Variants in METTL15 observed in about 807,000 individuals in gnomAD.
METTL15 encodes the protein methyltransferase 15, mitochondrial 12S rRNA N4-cytidine.
Under a neutral mutation model 38.3 loss-of-function variants are expected in METTL15, and 34 were observed. The ratio of observed to expected loss-of-function variants is 0.89; its 90% CI spans 0.68 to 1.18. The LOEUF (loss-of-function observed/expected upper bound fraction) is 1.18. Among genes scored for constraint, METTL15 ranks in the 50% most tolerant of loss-of-function variants. METTL15 has a pLI of 0.00. For synonymous variants in METTL15, 162 were observed against 170.9 expected, an observed-to-expected ratio of 0.95 and a Z score of 0.41; for missense variants, 438 against 498.4, an observed-to-expected ratio of 0.88 and a Z score of 1.15.
chr11:28,180,478 G>A (rs905148041), intron 3 of METTL15, among the ~76,000 whole-genome samples: 1 of 151,660 alleles, frequency 6.6e-6, no homozygotes, highest in Non-Finnish European at 1.5e-5. Flanking sequence ...CTTTTGACTT[G>A]TTTGGTCTAG....
rs1006926814 is a variant in METTL15, at chr11:28,125,810, A to T, written c.270+12206A>T. The T allele has an allele frequency of 2.0e-5, 3 of 152,248 alleles. No homozygotes were observed. The South Asian group carries it at 6.2e-4, about 32-fold the overall frequency. The allele number at this position is 152,248 out of a possible 1,614,324, so 9.4% of individuals were successfully genotyped here. A position where few individuals can be genotyped will look rare whatever the true frequency, so the allele number is the denominator to read the frequency against. ...TCTTCTAAAATCTTATTTTTCTGAA[A>T]TGTAAACTTACCTTATAGTATATGC... is the stretch of plus-strand genomic sequence containing the variant. On this transcript the variant is annotated intron_variant, in intron 3 of 6. Transcript: ENST00000407364.
intron 3 of METTL15, among the ~76,000 whole-genome samples, chr11:28,177,312 A>C (rs895204060): frequency 1.1e-4 from 17 of 152,048 alleles, no homozygotes; most frequent in Non-Finnish European, 2.1e-4. Context: ...GAAAAGATTT[A>C]GTAGAGTTAG....
intron 5 of METTL15, among the ~76,000 whole-genome samples, chr11:28,394,862 A>G (rs1201068247): frequency 6.6e-6 from 1 of 152,040 alleles, no homozygotes; most frequent in Non-Finnish European, 1.5e-5. Context: ...TTATTTATAC[A>G]CCATGATGTC....
intron 5 of METTL15, among the ~76,000 whole-genome samples, chr11:28,403,136 A>C (rs1200053513): frequency 6.6e-6 from 1 of 151,920 alleles, no homozygotes; most frequent in East Asian, 1.9e-4. Flanking sequence ...CAGCAGATGT[A>C]TGGGGGGTTT....
chr11:28,134,669 A>G (rs774657367), intron 3 of METTL15: 58 of 398,246 alleles, frequency 1.5e-4, no homozygotes, highest in African/African-American at 2.5e-4. Flanking sequence ...TCCTGGGAAG[A>G]ATGGCATGTC....
At chr11:28,468,164 G>A (rs1849087027) in intron 6 of METTL15, among the ~76,000 whole-genome samples, 1 of 152,126 alleles carries the variant, frequency 6.6e-6, no homozygotes, top group South Asian at 2.1e-4. Flanking sequence ...ACTCTAATTG[G>A]CTCTAGGAAG....
At chr11:28,348,002 C>T (rs929238655) in intron 3 of METTL15, among the ~76,000 whole-genome samples, 2 of 152,186 alleles carry the variant, frequency 1.3e-5, no homozygotes, top group African/African-American at 4.8e-5. Flanking sequence ...AAGTTTTGGT[C>T]TGACTGTCAC....
At chr11:28,194,122 A>ATTCTT (rs370908175) in intron 3 of METTL15, among the ~76,000 whole-genome samples, 1 of 99,078 alleles carries the variant, frequency 1.0e-5, no homozygotes, top group Admixed American at 1.1e-4. Flanking sequence ...TTGATGGTTG[A>ATTCTT]TCTTTCTTTC....
At chr11:28,213,846 G>A (rs564775729) in intron 4 of METTL15, among the ~76,000 whole-genome samples, 11 of 151,322 alleles carry the variant, frequency 7.3e-5, no homozygotes, top group Admixed American at 2.0e-4. Context: ...TAGTAGAGAC[G>A]GGGTTTCACC....
chr11:28,157,602 T>C lies in METTL15; in HGVS notation c.270+43998T>C, dbSNP rs1405782846. On this transcript the variant is annotated intron_variant, in intron 3 of 6. Transcript: ENST00000407364. ...GACTATATGTCATCACCATGTGACC[T>C]GAACTGCCTGTCATGAACTGGGTAC... Among the ~76,000 whole-genome samples, 3 of 152,188 alleles carry C rather than the reference T, an allele frequency of 2.0e-5. No individual in the cohort carries two copies. The East Asian group carries it at 5.8e-4, about 29-fold the overall frequency.
At chr11:28,292,569 T>C (rs989327908) in intron 5 of METTL15, among the ~76,000 whole-genome samples, 4 of 152,162 alleles carry the variant, frequency 2.6e-5, no homozygotes, top group Admixed American at 1.3e-4. Flanking sequence ...TTTGGGTATA[T>C]ACCCAGTAAT....
chr11:28,266,508 C>T (rs1855424782), intron 4 of METTL15, among the ~76,000 whole-genome samples: 1 of 152,190 alleles, frequency 6.6e-6, no homozygotes, highest in African/African-American at 2.4e-5. Flanking sequence ...CTGATTTTCA[C>T]CTGAAACCTG....
chr11:28,194,694 T>TA (rs1319618564), intron 3 of METTL15, among the ~76,000 whole-genome samples: 1 of 151,968 alleles, frequency 6.6e-6, no homozygotes, highest in African/African-American at 2.4e-5. Flanking sequence ...AAAGAAAGAT[T>TA]AAAAAAAATT....
intron 6 of METTL15, among the ~76,000 whole-genome samples, chr11:28,460,391 C>T: frequency 6.6e-6 from 1 of 152,060 alleles, no homozygotes; most frequent in East Asian, 1.9e-4. Context: ...GTGTTCTCTC[C>T]AAGCCAGGAG....
At chr11:28,235,212 T>G (rs1272559896) in intron 4 of METTL15, among the ~76,000 whole-genome samples, 4 of 152,028 alleles carry the variant, frequency 2.6e-5, no homozygotes, top group Non-Finnish European at 4.4e-5. Context: ...ACTGTAGCCT[T>G]GTAGTATAGT....
intron 6 of METTL15, among the ~76,000 whole-genome samples, chr11:28,498,766 A>C (rs1296667228): frequency 6.6e-6 from 1 of 152,204 alleles, no homozygotes; most frequent in Admixed American, 6.5e-5. Context: ...ATTCTTCATG[A>C]TACGGTAAGG....
intron 3 of METTL15, among the ~76,000 whole-genome samples, chr11:28,120,780 G>C (rs1377331697): frequency 2.6e-5 from 4 of 152,102 alleles, no homozygotes; most frequent in African/African-American, 9.7e-5. Flanking sequence ...TTCAGTATCT[G>C]GGTTTGTCAA....
intron 3 of METTL15, among the ~76,000 whole-genome samples, chr11:28,160,977 C>G (rs533939559): frequency 6.6e-6 from 1 of 151,782 alleles, no homozygotes; most frequent in Non-Finnish European, 1.5e-5. Flanking sequence ...CAGAAATACA[C>G]ACTAAAATAT....
intron 6 of METTL15, among the ~76,000 whole-genome samples, chr11:28,501,973 C>T (rs1590396107): frequency 1.3e-5 from 2 of 151,984 alleles, no homozygotes; most frequent in Admixed American, 6.6e-5. Context: ...TGGTGGCGGG[C>T]GCCTGTAGTC....
Sources: gnomAD v4.1 joint callset for allele counts (sites outside exome capture counted in the v4.1 genomes callset) on GRCh38, gnomAD v4.1.1 for gene constraint, MANE v1.5 for transcripts, NCBI Gene and HGNC (gene_info 2026-07-23, HGNC 2026-07-21) for gene names.